RNF4: variants seen among roughly 807,000 people sequenced by gnomAD.
RNF4 encodes E3 ubiquitin-protein ligase RNF4.
A neutral mutation model predicts 24.3 loss-of-function variants in RNF4; 7 were observed. That is an observed-to-expected ratio of 0.29 (90% CI 0.16 to 0.54). The LOEUF (loss-of-function observed/expected upper bound fraction) is 0.54. RNF4 is among the 20% of genes least tolerant of loss of function. The pLI is 0.95. For synonymous variants in RNF4, 83 were observed against 84.3 expected, an observed-to-expected ratio of 0.98 and a Z score of 0.09; for missense variants, 209 against 248.5, an observed-to-expected ratio of 0.84 and a Z score of 1.07.
intron 1 of RNF4, among the ~76,000 whole-genome samples, chr4:2,472,806 C>T (rs1013112868): frequency 8.6e-5 from 13 of 151,904 alleles, no homozygotes; most frequent in African/African-American, 1.5e-4. Context: ...CTTTGGGAGG[C>T]GAAGTGGGCG....
intron 4 of RNF4, among the ~76,000 whole-genome samples, chr4:2,506,459 G>C (rs546502907): frequency 1.1e-4 from 16 of 152,174 alleles, no homozygotes; most frequent in Non-Finnish European, 2.1e-4. Context: ...TAGGATTACA[G>C]ACGTGAGCCA....
rs1037945926 is a variant in RNF4, at chr4:2,471,147, A to C, written c.-158+1889A>C. The C allele has an allele frequency of 1.6e-4, 25 of 151,928 alleles. 1 individual carries two copies. Among genetic ancestry groups the C allele is most frequent in the Admixed American group, 9.2e-4 (14 of 15,250 alleles). The allele number at this position is 151,928 out of a possible 1,614,324, so 9.4% of individuals were successfully genotyped here. A position where few individuals can be genotyped will look rare whatever the true frequency, so the allele number is the denominator to read the frequency against. Reference sequence around the variant, plus strand: ...ACACCCAGTTAATTTTTGTATTTTTAGTGGAGACGGGGTTTCACCATATTG... The same window carrying C: ...ACACCCAGTTAATTTTTGTATTTTTCGTGGAGACGGGGTTTCACCATATTG... On this transcript the variant is annotated intron_variant, in intron 1 of 7. Transcript: ENST00000314289.
rs761227258 is a variant in RNF4 at position 2,497,053 on chromosome 4, G to A, written c.56G>A (p.Arg19Gln). The A allele has an allele frequency of 1.5e-5, 24 of 1,608,796 alleles. No individual in the cohort carries two copies. Among genetic ancestry groups the A allele is most frequent in the Non-Finnish European group, 2.0e-5 (23 of 1,177,814 alleles). Residue 19 changes from arginine to glutamine, a missense_variant, in exon 3 of 8, where the codon CGA (arginine) becomes CAA (glutamine). This residue lies in a region of RNF4 where 182 missense variants were observed against 197.2 expected (regional missense o/e 0.92). Coordinates refer to ENST00000314289, the MANE Select transcript of RNF4 (RefSeq NM_002938.5). ...ATAAATTCTAGACAAGCTCAGAAGC[G>A]AACTCGGGAAGCAACCTCCACCCCC... ...GAINSRQAQKRTREATSTPEI... is the reference protein window; with the variant it reads ...GAINSRQAQKQTREATSTPEI...
intron 1 of RNF4, chr4:2,489,770 C>T (rs909644633): frequency 3.3e-5 from 5 of 152,250 alleles, no homozygotes; most frequent in African/African-American, 4.8e-5. Flanking sequence ...CCAAGGGCCT[C>T]GCAGCCTCTG....
In RNF4 at chr4:2,513,830, GC is replaced by G; in HGVS notation, c.*17del. 6.2e-7 allele frequency: 1 copy of G among 1,613,792 alleles called. No homozygotes were observed. The highest frequency in any genetic ancestry group is 8.5e-7 in the Non-Finnish European group (1 of 1,179,876). ...CCCATTTATATATGAAGTATTCAGA[GC>G]CCCCCAGGAGAGACGGATGGACAGA... On this transcript the variant is annotated 3_prime_UTR_variant, in exon 8 of 8. Transcript: ENST00000314289.
chr4:2,486,502 C>T (rs1735412816), intron 1 of RNF4, among the ~76,000 whole-genome samples: 1 of 152,178 alleles, frequency 6.6e-6, no homozygotes, highest in Non-Finnish European at 1.5e-5. Context: ...TGACTCCTGA[C>T]CCTTACTAAA....
At chr4:2,510,141 T>C (rs1005265058) in intron 4 of RNF4, among the ~76,000 whole-genome samples, 5 of 152,226 alleles carry the variant, frequency 3.3e-5, no homozygotes, top group African/African-American at 1.2e-4. Context: ...ATTCTCATCC[T>C]CAAATCAAAG....
intron 4 of RNF4, among the ~76,000 whole-genome samples, chr4:2,503,962 G>A (rs1247400265): frequency 6.6e-6 from 1 of 152,126 alleles, no homozygotes; most frequent in African/African-American, 2.4e-5. Context: ...TGTGCCTGTG[G>A]TCCCAGCTAC....
chr4:2,500,593 G>C, intron 3 of RNF4, 66 bp from the exon 4 acceptor site: 1 of 1,512,134 alleles, frequency 6.6e-7, no homozygotes, highest in African/African-American at 1.4e-5. Context: ...TCATACTAAA[G>C]TGTAGAGGGA....
Position 2,499,584 on chromosome 4 carries a change from G to C in RNF4, c.125-1075G>C, listed in dbSNP as rs572108766. 3.5e-4 allele frequency among the ~76,000 whole-genome samples: 48 copies of C among 135,488 alleles called. 1 individual carries two copies. The South Asian group carries it at 7.5e-3, about 21-fold the overall frequency. The allele number at this position is 135,488 out of a possible 152,430, so 88.9% of individuals were successfully genotyped here. ...AACCACTGTGCCTGGCCCATTCCGT[G>C]CTTTTTAATATTAATATTAATAGTA... On this transcript the variant is annotated intron_variant, in intron 3 of 7. Transcript: ENST00000314289.
intron 2 of RNF4, among the ~76,000 whole-genome samples, chr4:2,495,739 TC>T (rs1001337913): frequency 6.6e-6 from 1 of 152,066 alleles, no homozygotes; most frequent in African/African-American, 2.4e-5. Context: ...TTCAAGTGAT[TC>T]TCCTGCCTCA....
At chr4:2,476,737 G>A (rs1194522140) in intron 1 of RNF4, among the ~76,000 whole-genome samples, 1 of 143,946 alleles carries the variant, frequency 6.9e-6, no homozygotes, top group East Asian at 2.0e-4. Context: ...AGAGAAGGTT[G>A]TCTTCCTATG....
chr4:2,471,929 G>C (rs537352649), intron 1 of RNF4, among the ~76,000 whole-genome samples: 2 of 152,362 alleles, frequency 1.3e-5, no homozygotes, highest in African/African-American at 4.8e-5. Flanking sequence ...AAGTGTTGAT[G>C]AAGAAGCTGC....
chr4:2,510,471 T>C (rs1340755384), intron 4 of RNF4, among the ~76,000 whole-genome samples: 2 of 152,202 alleles, frequency 1.3e-5, no homozygotes, highest in Admixed American at 1.3e-4. Flanking sequence ...GCTCAAGACA[T>C]AGCAGCCTCT....
At chr4:2,511,643 G>A (rs1387852004) in intron 4 of RNF4, among the ~76,000 whole-genome samples, 1 of 147,032 alleles carries the variant, frequency 6.8e-6, no homozygotes, top group East Asian at 2.1e-4. Context: ...AGATAGTAAG[G>A]AAGGTCCCCA....
chr4:2,473,931 G>A (rs1247046606), intron 1 of RNF4, among the ~76,000 whole-genome samples: 1 of 152,130 alleles, frequency 6.6e-6, no homozygotes, highest in Non-Finnish European at 1.5e-5. Context: ...AATTAGCTGA[G>A]CGTGGTAGTG....
chr4:2,500,630 A>C (rs1330546338), intron 3 of RNF4, 29 bp from the exon 4 acceptor site: 1 of 1,609,224 alleles, frequency 6.2e-7, no homozygotes, highest in Non-Finnish European at 8.5e-7. Flanking sequence ...TCTTAATCTT[A>C]ATGCTTGTTG....
chr4:2,486,854 C>T (rs1342501708), intron 1 of RNF4, among the ~76,000 whole-genome samples: 8 of 152,166 alleles, frequency 5.3e-5, no homozygotes, highest in South Asian at 2.1e-4. Flanking sequence ...TTCTAAGACA[C>T]GCTATTGATG....
intron 3 of RNF4, among the ~76,000 whole-genome samples, chr4:2,498,584 C>T (rs1179849010): frequency 6.6e-6 from 1 of 152,072 alleles, no homozygotes; most frequent in Admixed American, 6.6e-5. Flanking sequence ...TTGGACAGCC[C>T]TTCTTTTTAA....
Sources: gnomAD v4.1 joint callset for allele counts (sites outside exome capture counted in the v4.1 genomes callset) on GRCh38, gnomAD v4.1.1 for gene constraint, gnomAD v4.1.1 regional missense constraint, MANE v1.5 for transcripts, NCBI Gene and HGNC (gene_info 2026-07-23, HGNC 2026-07-21) for gene names.